The following CCDC149 variants were observed in gnomAD, a reference collection of about 807,000 sequenced individuals.
CCDC149 encodes the protein coiled-coil domain containing 149, also known as coiled-coil domain-containing protein 149.
Under a neutral mutation model 59.9 loss-of-function variants are expected in CCDC149, and 45 were observed. That is an observed-to-expected ratio of 0.75 (90% confidence interval 0.59 to 0.96). The LOEUF is 0.96. Among genes scored for constraint, CCDC149 ranks in the 40% least tolerant of loss-of-function variants. The probability of loss-of-function intolerance (pLI) is 0.00; values close to 1 mark genes in which losing one functional copy is unlikely to be tolerated. For synonymous variants in CCDC149, 245 were observed against 260.6 expected, an observed-to-expected ratio of 0.94 and a Z score of 0.58; for missense variants, 584 against 664.7, an observed-to-expected ratio of 0.88 and a Z score of 1.33.
chr4:24,863,748 G>T (rs1023522720), intron 3 of CCDC149, among the ~76,000 whole-genome samples: 20 of 152,228 alleles, frequency 1.3e-4, no homozygotes, highest in African/African-American at 3.9e-4. Flanking sequence ...TCCTTATTTG[G>T]AAATGTTATT....
At chr4:24,866,176 T>C (rs978648283) in intron 3 of CCDC149, among the ~76,000 whole-genome samples, 2 of 152,156 alleles carry the variant, frequency 1.3e-5, no homozygotes, top group Admixed American at 6.5e-5. Context: ...GGCCACTCTA[T>C]GCTCTGATTT....
At chr4:24,881,393 A>G (rs1282727379) in intron 1 of CCDC149, among the ~76,000 whole-genome samples, 1 of 152,202 alleles carries the variant, frequency 6.6e-6, no homozygotes, top group Non-Finnish European at 1.5e-5. Flanking sequence ...AGGGGAGGTG[A>G]GAATTGCTGG....
chr4:24,856,631 G>A (rs757784662), intron 3 of CCDC149, among the ~76,000 whole-genome samples: 22 of 152,160 alleles, frequency 1.4e-4, no homozygotes, highest in East Asian at 1.9e-4. Context: ...ATTTGAAAGC[G>A]CAGCTCAAGG....
chr4:24,831,644 T>A lies in CCDC149; in HGVS notation c.827A>T (p.Asp276Val). ...GCATCCATGATCCTCAGATAGCAGA[T>A]CCTGAACTAGATAGGATACAAAATG... The change falls in exon 9 of 13, where the codon GAT becomes GTT. Residue 276 changes from aspartate to valine, a missense_variant. By Grantham distance (152) the Asp-to-Val change is radical. Transcript: ENST00000635206. 6.2e-7 allele frequency: 1 copy of A among 1,613,842 alleles called. No individual in the cohort carries two copies. Among genetic ancestry groups the A allele is most frequent in the Non-Finnish European group, 8.5e-7 (1 of 1,179,896 alleles).
rs1203664762 is a variant in CCDC149 at position 24,873,866 on chromosome 4, T to C, written c.226-147A>G. 1.0e-5 allele frequency: 6 copies of C among 573,194 alleles called. 1 individual carries two copies. The highest frequency in any genetic ancestry group is 4.3e-5 in the South Asian group (2 of 45,996). The allele number at this position is 573,194 out of a possible 1,614,324, so 35.5% of individuals were successfully genotyped here. On this transcript the variant is annotated intron_variant, in intron 2 of 12. Transcript: ENST00000635206. The stretch of plus-strand genomic sequence containing the variant: ...AGTAATGTGCTGAAGCAAGCTCAAA[T>C]ATACTTTAAAAAAATAACTACAAAC...
At chr4:24,938,308 C>T (rs932075892) in intron 1 of CCDC149, among the ~76,000 whole-genome samples, 9 of 152,032 alleles carry the variant, frequency 5.9e-5, no homozygotes, top group Admixed American at 3.3e-4. Flanking sequence ...GCCTTAATTT[C>T]CCTGGGGAGA....
intron 1 of CCDC149, among the ~76,000 whole-genome samples, chr4:24,895,351 C>T (rs763042279): frequency 2.6e-5 from 4 of 152,052 alleles, no homozygotes; most frequent in African/African-American, 4.8e-5. Flanking sequence ...TACGTGTTAG[C>T]CTCGATACAA....
intron 1 of CCDC149, among the ~76,000 whole-genome samples, chr4:24,887,681 CCT>C (rs1276217754): frequency 6.6e-6 from 1 of 152,122 alleles, no homozygotes; most frequent in Non-Finnish European, 1.5e-5. Flanking sequence ...ATGCCTGGAA[CCT>C]CTGTTTTGCT....
chr4:24,972,291 T>TCTTTTCTTTC, intron 1 of CCDC149, among the ~76,000 whole-genome samples: 1 of 146,660 alleles, frequency 6.8e-6, no homozygotes, highest in East Asian at 2.0e-4. Flanking sequence ...CTGACCTTTT[T>TCTTTTCTTTC]CTTTTCTTTT....
In CCDC149 at chr4:24,853,065, A is replaced by AGGG. The variant is rs745659918; in HGVS notation, c.372+6_372+7insCCC. ...CAGAGCTTCTTCCCTGTAAATACTC[A>AGGG]CAGTACCTTGTTGTCGCCCTGGACT... is the stretch of plus-strand genomic sequence containing the variant. On this transcript the variant is annotated splice_region_variant and intron_variant, in intron 4 of 12. Transcript: ENST00000635206. 1.4e-5 allele frequency: 22 copies of AGGG among 1,578,042 alleles called. No individual in the cohort carries two copies. The highest frequency in any genetic ancestry group is 1.8e-5 in the Non-Finnish European group (21 of 1,147,630).
At chr4:24,913,076 G>T (rs1721995780), upstream of CCDC149, 1 of 158,028 alleles carries the variant, frequency 6.3e-6, no homozygotes. Context: ...CGCGGCCGCC[G>T]GGGCCGCAGA....
Position 24,912,833 on chromosome 4 carries a change from T to C in CCDC149, c.47A>G (p.Gln16Arg). The change falls in exon 1 of 13, where the codon CAG (glutamine) becomes CGG (arginine). Residue 16 changes from glutamine to arginine, a missense_variant. Gln to Arg is a conservative substitution (Grantham distance 43). Transcript: ENST00000635206. The stretch of plus-strand genomic sequence containing the variant: ...CGGCCTCACCTCGCTCACCAGCCCC[T>C]GCCAGTCGCTCTCAGTCCGGTCGCC... The C allele has an allele frequency of 7.3e-7, 1 of 1,371,580 alleles. No individual in the cohort carries two copies. The highest frequency in any genetic ancestry group is 2.6e-5 in the Admixed American group (1 of 38,710). The allele number at this position is 1,371,580 out of a possible 1,614,324, so 85.0% of individuals were successfully genotyped here. A position where few individuals can be genotyped will look rare whatever the true frequency, so the allele number is the denominator to read the frequency against.
intron 1 of CCDC149, among the ~76,000 whole-genome samples, chr4:24,939,787 G>C (rs916641342): frequency 1.3e-5 from 2 of 152,196 alleles, no homozygotes; most frequent in African/African-American, 4.8e-5. Flanking sequence ...GTGGAAGAAA[G>C]GGTATCAGCG....
chr4:24,813,494 A>ATC (rs1250098770), intron 12 of CCDC149, among the ~76,000 whole-genome samples: 96 of 6,952 alleles, frequency 0.014, 4 homozygotes, highest in African/African-American at 0.02. Context: ...TGGGGAATAT[A>ATC]TATATATATA....
chr4:24,902,723 A>G lies in CCDC149; in HGVS notation c.63+10094T>C, dbSNP rs147443165. On this transcript the variant is annotated intron_variant, in intron 1 of 12. Coordinates refer to ENST00000635206, the MANE Select transcript of CCDC149 (RefSeq NM_001330643.2). ...TGTTTTCATCTAATAACAACAGCTA[A>G]TAAGAATGAATATTTTAAGCCAGGA... Among the ~76,000 whole-genome samples the G allele has an allele frequency of 8.5e-3, 1,287 of 152,296 alleles. 61 individuals are homozygous for G. The highest frequency in any genetic ancestry group is 0.06 in the Admixed American group (920 of 15,298).
chr4:24,896,177 C>A (rs1032134014), intron 1 of CCDC149, among the ~76,000 whole-genome samples: 1 of 152,154 alleles, frequency 6.6e-6, no homozygotes, highest in African/African-American at 2.4e-5. Context: ...GAGCATTTCA[C>A]GAACACTCTG....
At chr4:24,876,245 T>C (rs1231175499) in intron 2 of CCDC149, among the ~76,000 whole-genome samples, 1 of 149,532 alleles carries the variant, frequency 6.7e-6, no homozygotes, top group East Asian at 2.0e-4. Context: ...CAAACACACA[T>C]GAATATGTTC....
intron 1 of CCDC149, among the ~76,000 whole-genome samples, chr4:24,945,906 C>G (rs1366974206): frequency 6.6e-6 from 1 of 152,138 alleles, no homozygotes; most frequent in Non-Finnish European, 1.5e-5. Context: ...CAGCTATGAG[C>G]CACCATGCCT....
intron 3 of CCDC149, 148 bp from the exon 4 acceptor site, chr4:24,853,327 T>C: frequency 1.5e-6 from 1 of 654,258 alleles, no homozygotes; most frequent in Non-Finnish European, 2.7e-6. Context: ...ATGCAGCCAG[T>C]GTGTGAATCA....
Sources: gnomAD v4.1 joint callset for allele counts (sites outside exome capture counted in the v4.1 genomes callset) on GRCh38, gnomAD v4.1.1 for gene constraint, MANE v1.5 for transcripts, NCBI Gene and HGNC (gene_info 2026-07-23, HGNC 2026-07-21) for gene names.